Variants in TNKS2 observed in about 807,000 individuals in gnomAD.
The protein encoded by TNKS2 is tankyrase 2.
A neutral mutation model predicts 137.6 loss-of-function variants in TNKS2; 72 were observed. The ratio of observed to expected loss-of-function variants is 0.52; its 90% CI spans 0.43 to 0.64. The LOEUF (loss-of-function observed/expected upper bound fraction) is 0.64, where lower values mean the gene tolerates loss of function less well. TNKS2 is among the 30% of genes least tolerant of loss of function. The pLI, the probability that TNKS2 is intolerant of heterozygous loss-of-function variation, is 0.00. For missense variants in TNKS2, 1,049 were observed against 1,410.2 expected, an observed-to-expected ratio of 0.74 and a Z score of 4.10; for synonymous variants, 516 against 512.1, an observed-to-expected ratio of 1.01 and a Z score of -0.10.
chr10:91,844,806 A>G, intron 16 of TNKS2, 113 bp from the exon 17 acceptor site: 1 of 525,402 alleles, frequency 1.9e-6, no homozygotes, highest in East Asian at 3.3e-5. Context: ...TTATAAATAC[A>G]TATATATATG....
Position 91,851,274 on chromosome 10 carries a change from A to G in TNKS2, c.2753A>G (p.Asn918Ser). The change falls in exon 21 of 27, where the codon AAT (asparagine) becomes AGT (serine). Residue 918 changes from asparagine (N) to serine (S), a missense_variant. By Grantham distance (46) the Asn-to-Ser change is conservative. Transcript: ENST00000371627. ...AAGGAGCTGAAGGAGATTGGAATCA[A>G]TGCTTATGGACATAGGCACAAACTA... ...GHKELKEIGI[N>S]AYGHRHKLIK... The G allele has an allele frequency of 1.2e-6, 2 of 1,612,836 alleles. No individual in the cohort carries two copies. The highest frequency in any genetic ancestry group is 1.7e-6 in the Non-Finnish European group (2 of 1,179,662).
At chr10:91,821,900 C>T (rs996205286) in intron 6 of TNKS2, among the ~76,000 whole-genome samples, 18 of 152,156 alleles carry the variant, frequency 1.2e-4, no homozygotes, top group African/African-American at 4.3e-4. Flanking sequence ...AAGTTGGAAC[C>T]ATCTCTTGAA....
intron 1 of TNKS2, among the ~76,000 whole-genome samples, chr10:91,806,702 T>C (rs1208051177): frequency 6.6e-6 from 1 of 152,236 alleles, no homozygotes; most frequent in African/African-American, 2.4e-5. Context: ...TAACAATGCA[T>C]ACTATGGTGT....
chr10:91,804,938 A>G (rs538969398), intron 1 of TNKS2, among the ~76,000 whole-genome samples: 99 of 151,994 alleles, frequency 6.5e-4, no homozygotes, highest in African/African-American at 2.3e-3. Flanking sequence ...TAATTTTTAT[A>G]TTTTTAGTAG....
intron 22 of TNKS2, 149 bp from the exon 23 acceptor site, chr10:91,855,465 C>G (rs1446670059): frequency 9.8e-6 from 7 of 716,702 alleles, no homozygotes; most frequent in Non-Finnish European, 1.3e-5. Context: ...GGCACCATGC[C>G]CAGCCCTCAT....
At position 91,845,036 on chromosome 10, in the gene TNKS2, CT is replaced by C. The variant is rs753570325; in HGVS notation, c.2169+10del. On this transcript the variant is annotated intron_variant, in intron 17 of 26. Transcript: ENST00000371627. ...AATGCAGCATCTTACGGGGTAAGTT[CT>C]TCCGTGTTACCTTTAAAAATTTGTG... is the stretch of plus-strand genomic sequence containing the variant. 8 of 1,572,006 alleles carry C rather than the reference CT, an allele frequency of 5.1e-6. No individual in the cohort carries two copies. In the African/African-American group the frequency reaches 9.5e-5, roughly 19 times the overall value.
At chr10:91,835,038 G>A (rs1841955293) in intron 12 of TNKS2, among the ~76,000 whole-genome samples, 1 of 152,058 alleles carries the variant, frequency 6.6e-6, no homozygotes, top group African/African-American at 2.4e-5. Flanking sequence ...CAGAATATAT[G>A]AAAGCACCTG....
At chr10:91,857,039 G>A (rs1016697375) in intron 23 of TNKS2, among the ~76,000 whole-genome samples, 2 of 152,052 alleles carry the variant, frequency 1.3e-5, no homozygotes, top group African/African-American at 4.8e-5. Context: ...AGATTAATAT[G>A]GAACTCAGAC....
chr10:91,855,433 C>T (rs79507108), intron 22 of TNKS2, among the ~76,000 whole-genome samples, 181 bp from the exon 23 acceptor site: 1 of 152,172 alleles, frequency 6.6e-6, no homozygotes, highest in Admixed American at 6.5e-5. Context: ...GGCAGTCCAC[C>T]TGCCTCGGCC....
intron 11 of TNKS2, 52 bp downstream of exon 11, chr10:91,831,233 T>G: frequency 1.3e-6 from 2 of 1,521,732 alleles, no homozygotes. Context: ...ATTTTTTATT[T>G]AGCAGGTGAA....
In TNKS2 at chr10:91,848,372, A is replaced by T. The variant is rs1842445473; in HGVS notation, c.2359-11A>T. 2 of 1,611,814 alleles carry T rather than the reference A, an allele frequency of 1.2e-6. No individual in the cohort carries two copies. The highest frequency in any genetic ancestry group is 1.7e-6 in the Non-Finnish European group (2 of 1,178,614). On this transcript the variant is annotated splice_polypyrimidine_tract_variant and intron_variant, in intron 18 of 26. Transcript: ENST00000371627. ...GCTTATGGCAGATGTTGTCTCTGACACGTACCCTAGGCGGATGATGTCAGC... is the reference window on the plus strand; with the variant it reads ...GCTTATGGCAGATGTTGTCTCTGACTCGTACCCTAGGCGGATGATGTCAGC...
At position 91,863,068 on chromosome 10, in the gene TNKS2, A is replaced by T; in HGVS notation, c.*69A>T. On this transcript the variant is annotated 3_prime_UTR_variant, in exon 27 of 27. Transcript: ENST00000371627. ...AAAGCAGCAGTGGCCTCTACGTTTT[A>T]CTCCTTTGCTGAAAAAAAATCATCT... 8.8e-7 allele frequency: 1 copy of T among 1,142,698 alleles called. No individual in the cohort carries two copies. Among genetic ancestry groups the T allele is most frequent in the Non-Finnish European group, 1.3e-6 (1 of 779,728 alleles). The allele number at this position is 1,142,698 out of a possible 1,614,324, so 70.8% of individuals were successfully genotyped here. A position where few individuals can be genotyped will look rare whatever the true frequency, so the allele number is the denominator to read the frequency against.
intron 13 of TNKS2, among the ~76,000 whole-genome samples, chr10:91,837,487 C>T (rs982808346): frequency 5.3e-5 from 8 of 152,196 alleles, no homozygotes; most frequent in African/African-American, 1.9e-4. Context: ...CTTGCAACTT[C>T]AGGTCTTACC....
rs1377546742 is a variant in TNKS2, at chr10:91,848,438, C to G, written c.2414C>G (p.Ser805Cys). ...TAAMPPSALPSCYKPQVLNGV... is the reference protein window; with the variant it reads ...TAAMPPSALPCCYKPQVLNGV... The stretch of plus-strand genomic sequence containing the variant: ...GCCATGCCCCCATCTGCTCTGCCCT[C>G]TTGTTACAAGCCTCAAGTGCTCAAT... The change falls in exon 19 of 27, where the codon TCT becomes TGT. Residue 805 changes from serine (S) to cysteine (C), a missense_variant. Transcript: ENST00000371627. 6.2e-7 allele frequency: 1 copy of G among 1,614,222 alleles called. No homozygotes were observed. The highest frequency in any genetic ancestry group is 1.3e-5 in the African/African-American group (1 of 75,056).
At chr10:91,839,608 A>G (rs1167388117) in intron 13 of TNKS2, among the ~76,000 whole-genome samples, 1 of 152,158 alleles carries the variant, frequency 6.6e-6, no homozygotes, top group African/African-American at 2.4e-5. Context: ...TCAGCATTCT[A>G]TTAGTTATTT....
intron 1 of TNKS2, among the ~76,000 whole-genome samples, chr10:91,808,552 A>G (rs891047461): frequency 1.3e-5 from 2 of 152,170 alleles, no homozygotes; most frequent in African/African-American, 4.8e-5. Flanking sequence ...TGAGAGACCT[A>G]TTTAGGGGAG....
intron 6 of TNKS2, among the ~76,000 whole-genome samples, chr10:91,821,595 T>G (rs578177632): frequency 1.3e-5 from 2 of 152,218 alleles, no homozygotes; most frequent in African/African-American, 4.8e-5. Context: ...AAGATAGAAG[T>G]CAAGATTTTA....
intron 13 of TNKS2, among the ~76,000 whole-genome samples, chr10:91,840,236 A>G (rs1040135634): frequency 2.0e-5 from 3 of 152,152 alleles, no homozygotes; most frequent in African/African-American, 7.2e-5. Context: ...GCTGCTCGGG[A>G]GGCTGAGGCA....
chr10:91,814,080 G>T (rs1281793346), intron 2 of TNKS2, among the ~76,000 whole-genome samples: 1 of 152,066 alleles, frequency 6.6e-6, no homozygotes, highest in African/African-American at 2.4e-5. Context: ...AGGTTCTTTA[G>T]GACGTGTTCC....
Sources: allele counts gnomAD v4.1 joint callset (sites outside exome capture counted in the v4.1 genomes callset), GRCh38; gene constraint gnomAD v4.1.1; transcripts MANE v1.5; gene names NCBI Gene and HGNC (gene_info 2026-07-23, HGNC 2026-07-21).